The following STK32B variants were observed in gnomAD, a reference collection of about 807,000 sequenced individuals.
STK32B encodes the protein serine/threonine-protein kinase 32B.
STK32B carries 43 observed loss-of-function variants against 52.6 expected under a neutral mutation model. That is an observed-to-expected ratio of 0.82 (90% confidence interval 0.64 to 1.05). The LOEUF (loss-of-function observed/expected upper bound fraction) is 1.05. Ranked by LOEUF, STK32B falls within the 50% of genes least tolerant of loss-of-function variation. The pLI is 0.00. For synonymous variants in STK32B, 238 were observed against 204.3 expected (o/e 1.17, Z -1.41); for missense variants, 621 against 534.6 (o/e 1.16, Z -1.59).
chr4:5,427,724 G>A (rs2109086581), intron 6 of STK32B, among the ~76,000 whole-genome samples: 1 of 152,168 alleles, frequency 6.6e-6, no homozygotes, highest in Admixed American at 6.5e-5. Context: ...TCCTTTTAAT[G>A]AGTGTAAATT....
At chr4:5,428,675 T>C (rs1318404575) in intron 6 of STK32B, among the ~76,000 whole-genome samples, 8 of 152,212 alleles carry the variant, frequency 5.3e-5, no homozygotes, top group Non-Finnish European at 8.8e-5. Context: ...TTTGATAACA[T>C]TGCTCAGGTT....
chr4:5,493,537 A>G (rs1719933252), intron 11 of STK32B, among the ~76,000 whole-genome samples: 1 of 152,062 alleles, frequency 6.6e-6, no homozygotes, highest in Non-Finnish European at 1.5e-5. Flanking sequence ...CAGCTCCTGG[A>G]TTCATTAATT....
chr4:5,402,785 G>A (rs1283662829), intron 5 of STK32B, among the ~76,000 whole-genome samples: 16 of 152,340 alleles, frequency 1.1e-4, no homozygotes, highest in Admixed American at 1.0e-3. Flanking sequence ...GACCCGTTGG[G>A]GTCAAGGCCA....
chr4:5,124,454 C>A (rs1397109438), intron 1 of STK32B, among the ~76,000 whole-genome samples: 1 of 152,192 alleles, frequency 6.6e-6, no homozygotes, highest in African/African-American at 2.4e-5. Flanking sequence ...TTTCCTAACC[C>A]ACCAGAAAGT....
At chr4:5,209,948 G>A (rs1722806697) in intron 3 of STK32B, among the ~76,000 whole-genome samples, 1 of 152,146 alleles carries the variant, frequency 6.6e-6, no homozygotes, top group Admixed American at 6.5e-5. Flanking sequence ...TAGATTTCCT[G>A]TTGCTGACAC....
intron 1 of STK32B, among the ~76,000 whole-genome samples, chr4:5,081,646 C>G (rs1712435228): frequency 6.6e-6 from 1 of 151,948 alleles, no homozygotes; most frequent in Admixed American, 6.6e-5. Flanking sequence ...CTTTATTCTT[C>G]TTGATCAAGT....
intron 11 of STK32B, among the ~76,000 whole-genome samples, chr4:5,476,657 G>A (rs1718264851): frequency 6.6e-6 from 1 of 151,978 alleles, no homozygotes; most frequent in South Asian, 2.1e-4. Flanking sequence ...CCTAGCACCT[G>A]TGAAGATGAC....
rs1232064584 is a variant in STK32B at position 5,386,877 on chromosome 4, T to A, written c.435-11330T>A. 1.3e-5 allele frequency among the ~76,000 whole-genome samples: 2 copies of A among 152,328 alleles called. No individual in the cohort carries two copies. The highest frequency in any genetic ancestry group is 2.9e-5 in the Non-Finnish European group (2 of 68,028). Reference sequence around the variant, plus strand: ...TACGAACTTGAGATCTTTCCCGCATTGTCCTCAGAAAGCTGGATGAGGAAC... The same window carrying A: ...TACGAACTTGAGATCTTTCCCGCATAGTCCTCAGAAAGCTGGATGAGGAAC... On this transcript the variant is annotated intron_variant, in intron 4 of 11. Transcript: ENST00000282908. The surrounding 1 kb of genome is among the most constrained non-coding windows in gnomAD (Gnocchi z 4.5).
At position 5,466,695 on chromosome 4, in the gene STK32B, C is replaced by G; in HGVS notation, c.910-8C>G. ...ACAGACCATGTTTTCTTTTCTACTC[C>G]CCTTTAGAAAGGGAGGTTGAACTGC... is the stretch of plus-strand genomic sequence containing the variant. On this transcript the variant is annotated splice_region_variant and splice_polypyrimidine_tract_variant and intron_variant, in intron 9 of 11. Transcript: ENST00000282908. 4 of 1,608,428 alleles carry G rather than the reference C, an allele frequency of 2.5e-6. No individual in the cohort carries two copies. Among genetic ancestry groups the G allele is most frequent in the Non-Finnish European group, 3.4e-6 (4 of 1,177,388 alleles).
chr4:5,428,723 T>C (rs10006847), intron 6 of STK32B, among the ~76,000 whole-genome samples: 19,344 of 152,256 alleles, frequency 0.13, 1,626 homozygotes, highest in East Asian at 0.41. Flanking sequence ...CTACTTCTTA[T>C]ATCAATTACT....
intron 6 of STK32B, chr4:5,436,562 A>G (rs1312516436): frequency 3.0e-6 from 3 of 985,082 alleles, no homozygotes; most frequent in African/African-American, 1.7e-5. Flanking sequence ...CTCTGGGTCC[A>G]GAGGCCCAGC....
intron 4 of STK32B, 48 bp downstream of exon 4, chr4:5,331,441 AG>A: frequency 6.4e-7 from 1 of 1,565,580 alleles, no homozygotes. Context: ...ACCATGGGCT[AG>A]GGTGTCAGGA....
intron 1 of STK32B, among the ~76,000 whole-genome samples, chr4:5,138,738 G>A (rs1716227517): frequency 1.3e-5 from 2 of 152,210 alleles, no homozygotes; most frequent in Admixed American, 1.3e-4. Context: ...AGTGCCATGA[G>A]AATGTATCGT....
At chr4:5,368,236 G>T (rs1735001887) in intron 4 of STK32B, among the ~76,000 whole-genome samples, 1 of 152,172 alleles carries the variant, frequency 6.6e-6, no homozygotes, top group Non-Finnish European at 1.5e-5. Context: ...GCCTCTAAGG[G>T]CTTTGCTTTC....
At chr4:5,144,784 T>TCATTCATCCATC (rs1553835869) in intron 2 of STK32B, among the ~76,000 whole-genome samples, 149 of 95,698 alleles carry the variant, frequency 1.6e-3, no homozygotes, top group African/African-American at 4.9e-3. Context: ...ACTCATTCAC[T>TCATTCATCCATC]CATCCATCCA....
chr4:5,051,763 A>C lies in STK32B; in HGVS notation c.-101A>C. The C allele has an allele frequency of 6.6e-7, 1 of 1,508,834 alleles. No homozygotes were observed. The highest frequency in any genetic ancestry group is 8.9e-7 in the Non-Finnish European group (1 of 1,119,094). The allele number at this position is 1,508,834 out of a possible 1,614,324, so 93.5% of individuals were successfully genotyped here. On this transcript the variant is annotated 5_prime_UTR_variant, in exon 1 of 12. Transcript: ENST00000282908. The stretch of plus-strand genomic sequence containing the variant: ...GGCTCCGCGCGCGGCTACAACCCGG[A>C]CTGGGCGCGCCCCCGGCATCCCGCA...
intron 1 of STK32B, among the ~76,000 whole-genome samples, chr4:5,111,235 C>T (rs1290696251): frequency 1.3e-5 from 2 of 152,094 alleles, no homozygotes; most frequent in East Asian, 1.9e-4. Context: ...AGAGAATGAC[C>T]ATTTGACTCA....
chr4:5,404,966 A>G (rs1362162917), intron 5 of STK32B, among the ~76,000 whole-genome samples: 1 of 143,856 alleles, frequency 7.0e-6, no homozygotes, highest in Non-Finnish European at 1.5e-5. Flanking sequence ...TCCCAGGTTC[A>G]TGCCATTCTC....
At chr4:5,187,639 C>G in intron 3 of STK32B, among the ~76,000 whole-genome samples, 1 of 152,034 alleles carries the variant, frequency 6.6e-6, no homozygotes, top group Admixed American at 6.6e-5. Flanking sequence ...GGGGACAAGC[C>G]CTGTTTGCCA....
Sources: allele counts gnomAD v4.1 joint callset (sites outside exome capture counted in the v4.1 genomes callset), GRCh38; gene constraint gnomAD v4.1.1; non-coding constraint Gnocchi (gnomAD v3.1); transcripts MANE v1.5; gene names NCBI Gene and HGNC (gene_info 2026-07-23, HGNC 2026-07-21).